STK39: variants seen among roughly 807,000 people sequenced by gnomAD.
The protein encoded by STK39 is serine/threonine kinase 39.
In STK39, 20 loss-of-function variants were observed where a neutral mutation model predicts 77.8. The observed-to-expected ratio is 0.26, with a 90% CI of 0.18 to 0.37. The LOEUF (loss-of-function observed/expected upper bound fraction) is 0.37. Among genes scored for constraint, STK39 ranks in the 10% least tolerant of loss-of-function variants. STK39 has a pLI of 1.00. For missense variants in STK39, 479 were observed against 656.5 expected, an observed-to-expected ratio of 0.73 and a Z score of 2.95; for synonymous variants, 246 against 234.1, an observed-to-expected ratio of 1.05 and a Z score of -0.47.
At chr2:168,208,535 C>A (rs1292835373) in intron 1 of STK39, among the ~76,000 whole-genome samples, 1 of 152,196 alleles carries the variant, frequency 6.6e-6, no homozygotes, top group Non-Finnish European at 1.5e-5. Flanking sequence ...CCTTATGAAT[C>A]CACTCCACCA....
chr2:167,967,686 G>GGCAAGGCA (rs1289442490), intron 16 of STK39, among the ~76,000 whole-genome samples: 8 of 152,172 alleles, frequency 5.3e-5, no homozygotes, highest in African/African-American at 1.7e-4. Context: ...ATCCACTGGA[G>GGCAAGGCA]GCAAGGCAGC....
intron 10 of STK39, among the ~76,000 whole-genome samples, chr2:168,078,956 C>T (rs1200873583): frequency 6.6e-6 from 1 of 152,166 alleles, no homozygotes; most frequent in African/African-American, 2.4e-5. Context: ...TCACGTCCAC[C>T]TATCAAGAAC....
intron 1 of STK39, among the ~76,000 whole-genome samples, chr2:168,233,873 G>A (rs1690525446): frequency 6.6e-6 from 1 of 152,096 alleles, no homozygotes; most frequent in Non-Finnish European, 1.5e-5. Flanking sequence ...AAAATATTGG[G>A]TTTCATTTGG....
intron 10 of STK39, among the ~76,000 whole-genome samples, chr2:168,127,345 T>C (rs1687569439): frequency 6.6e-6 from 1 of 152,084 alleles, no homozygotes; most frequent in African/African-American, 2.4e-5. Flanking sequence ...GAGATGGGGT[T>C]TCACCACATT....
At chr2:168,086,110 G>T (rs6740093) in intron 10 of STK39, among the ~76,000 whole-genome samples, 148,087 of 152,278 alleles carry the variant, frequency 0.97, 72,126 homozygotes, top group East Asian at 1. Flanking sequence ...CTAGGGTGAT[G>T]TGTTGCACAG....
chr2:168,160,983 A>G (rs978113137), intron 5 of STK39, among the ~76,000 whole-genome samples: 3 of 152,060 alleles, frequency 2.0e-5, no homozygotes, highest in African/African-American at 7.2e-5. Context: ...ATTGCCAAAG[A>G]TTGATAATTA....
At chr2:168,183,218 G>GC (rs58427241) in intron 1 of STK39, among the ~76,000 whole-genome samples, 5,148 of 152,064 alleles carry the variant, frequency 0.034, 270 homozygotes, top group African/African-American at 0.12. Flanking sequence ...ATCAGGTTTG[G>GC]CCCCCGACTT....
At chr2:168,095,786 A>G (rs1018395428) in intron 10 of STK39, among the ~76,000 whole-genome samples, 1 of 151,922 alleles carries the variant, frequency 6.6e-6, no homozygotes, top group Non-Finnish European at 1.5e-5. Context: ...TCTTTCTTTA[A>G]TCACCAAACT....
intron 5 of STK39, among the ~76,000 whole-genome samples, chr2:168,158,788 G>A (rs571883071): frequency 5.7e-4 from 87 of 152,274 alleles, no homozygotes; most frequent in African/African-American, 1.7e-3. Context: ...GAGACTCAAA[G>A]CATTCAGAAT....
chr2:168,093,807 C>A (rs1686590276), intron 10 of STK39, among the ~76,000 whole-genome samples: 1 of 152,170 alleles, frequency 6.6e-6, no homozygotes, highest in Non-Finnish European at 1.5e-5. Context: ...CATGTCTCTA[C>A]TGAAATTCTT....
At chr2:167,985,075 G>A (rs1326653196) in intron 16 of STK39, among the ~76,000 whole-genome samples, 1 of 152,160 alleles carries the variant, frequency 6.6e-6, no homozygotes, top group African/African-American at 2.4e-5. Flanking sequence ...TGCCTGCATG[G>A]GGTATGGGTT....
chr2:168,014,542 T>C (rs1221503852), intron 15 of STK39, among the ~76,000 whole-genome samples: 2 of 152,034 alleles, frequency 1.3e-5, no homozygotes, highest in East Asian at 1.9e-4. Context: ...CCCATAATAA[T>C]GGAAGTTGGG....
At chr2:168,012,337 T>C (rs1823293) in intron 16 of STK39, among the ~76,000 whole-genome samples, 96,802 of 151,828 alleles carry the variant, frequency 0.64, 31,406 homozygotes, top group African/African-American at 0.74. Context: ...CCATGCCTGG[T>C]TAATTTTGTA....
intron 5 of STK39, among the ~76,000 whole-genome samples, chr2:168,149,785 T>G (rs932101989): frequency 1.3e-5 from 2 of 152,138 alleles, no homozygotes; most frequent in African/African-American, 4.8e-5. Context: ...AAGCACAAAT[T>G]AAAATAAGTA....
At chr2:168,059,594 G>A (rs1355934791) in intron 14 of STK39, among the ~76,000 whole-genome samples, 2 of 152,082 alleles carry the variant, frequency 1.3e-5, no homozygotes, top group South Asian at 2.1e-4. Flanking sequence ...AAAAAGGCTT[G>A]GGAGAGGACC....
chr2:168,052,726 C>A (rs945463131), intron 14 of STK39, among the ~76,000 whole-genome samples: 13 of 152,222 alleles, frequency 8.5e-5, no homozygotes, highest in African/African-American at 3.1e-4. Flanking sequence ...ACACAGGCTA[C>A]TTCCTCTAAC....
chr2:168,125,910 T>C lies in STK39; in HGVS notation c.1089+3631A>G, dbSNP rs563702593. On this transcript the variant is annotated intron_variant, in intron 10 of 17. Transcript: ENST00000355999. ...GTATGACGGGCCTCTGCTTCTCTCC[T>C]GCTAAAGGGCAGCACTGGTGGGCTC... Among the ~76,000 whole-genome samples, 2 of 152,180 alleles carry C rather than the reference T, an allele frequency of 1.3e-5. 1 individual carries two copies. The highest frequency in any genetic ancestry group is 4.1e-4 in the South Asian group (2 of 4,824).
intron 1 of STK39, among the ~76,000 whole-genome samples, chr2:168,225,848 G>A (rs898542281): frequency 1.1e-4 from 16 of 152,110 alleles, no homozygotes; most frequent in East Asian, 1.9e-4. Flanking sequence ...AGGAACTTCC[G>A]ATGCTACACC....
intron 8 of STK39, 147 bp downstream of exon 8, chr2:168,137,940 TA>T: frequency 9.0e-7 from 1 of 1,114,816 alleles, no homozygotes; most frequent in Non-Finnish European, 1.2e-6. Context: ...CGTCTTTCAC[TA>T]ACAGGTTGGA....
Sources: gnomAD v4.1 joint callset for allele counts (sites outside exome capture counted in the v4.1 genomes callset) on GRCh38, gnomAD v4.1.1 for gene constraint, MANE v1.5 for transcripts, NCBI Gene and HGNC (gene_info 2026-07-23, HGNC 2026-07-21) for gene names.